TAX1BP1: variants seen among roughly 807,000 people sequenced by gnomAD.
TAX1BP1 encodes tax1-binding protein 1.
Under a neutral mutation model 97.7 loss-of-function variants are expected in TAX1BP1, and 62 were observed. That is an observed-to-expected ratio of 0.63 (90% CI 0.52 to 0.78). The LOEUF is 0.78. Ranked by LOEUF, TAX1BP1 falls within the 30% of genes least tolerant of loss-of-function variation. The probability of loss-of-function intolerance (pLI) is 0.00; values close to 1 mark genes in which losing one functional copy is unlikely to be tolerated. For missense variants in TAX1BP1, 867 were observed against 916.1 expected (o/e 0.95, Z 0.69); for synonymous variants, 340 against 304.2 (o/e 1.12, Z -1.23).
chr7:27,802,861 C>CA (rs757714872), intron 13 of TAX1BP1, among the ~76,000 whole-genome samples: 1 of 151,270 alleles, frequency 6.6e-6, no homozygotes, highest in African/African-American at 2.4e-5. Flanking sequence ...AAAAAAAACA[C>CA]AAAAAAAGGG....
At chr7:27,827,668 C>A in intron 15 of TAX1BP1, 70 bp from the exon 16 acceptor site, 1 of 1,298,296 alleles carries the variant, frequency 7.7e-7, no homozygotes, top group South Asian at 1.2e-5. Flanking sequence ...TCAGTATGTG[C>A]TTGATTGAAT....
chr7:27,794,004 A>G (rs1789819701), intron 10 of TAX1BP1, among the ~76,000 whole-genome samples: 2 of 152,308 alleles, frequency 1.3e-5, no homozygotes, highest in Admixed American at 1.3e-4. Context: ...ACTCACTCAC[A>G]TGTATGAATT....
chr7:27,785,436 G>T lies in TAX1BP1; in HGVS notation c.799G>T (p.Glu267Ter). The change falls in exon 7 of 17, where the codon GAA becomes TAA. Residue 267 changes from glutamate to a stop codon, truncating the protein, a stop_gained. Transcript: ENST00000396319. LOFTEE classifies it high-confidence loss of function. ...ACTCAAGAAGGCACAACATGAAAGA[G>T]AACAACTTGAATGTCAGTTGAAGAC... The part of the protein sequence containing the change: ...DKLKKAQHER[E>*]QLECQLKTEK... 6.2e-7 allele frequency: 1 copy of T among 1,613,642 alleles called. No homozygotes were observed. Among genetic ancestry groups the T allele is most frequent in the Non-Finnish European group, 8.5e-7 (1 of 1,179,882 alleles).
intron 15 of TAX1BP1, among the ~76,000 whole-genome samples, chr7:27,818,387 T>C (rs1265125537): frequency 6.6e-6 from 1 of 152,154 alleles, no homozygotes; most frequent in Non-Finnish European, 1.5e-5. Context: ...TTAAAAAAAA[T>C]TCTTGTTGTT....
At chr7:27,817,190 C>A in intron 15 of TAX1BP1, 152 bp downstream of exon 15, 1 of 947,078 alleles carries the variant, frequency 1.1e-6, no homozygotes, top group Non-Finnish European at 1.5e-6. Flanking sequence ...CAATTGCCTA[C>A]TTGATTTTTT....
At chr7:27,800,446 G>A (rs534904467) in intron 13 of TAX1BP1, among the ~76,000 whole-genome samples, 6 of 152,198 alleles carry the variant, frequency 3.9e-5, no homozygotes, top group Non-Finnish European at 5.9e-5. Flanking sequence ...GCTGGGCATG[G>A]TGACCCACTC....
chr7:27,800,594 T>G (rs1415892240), intron 13 of TAX1BP1, among the ~76,000 whole-genome samples: 2 of 152,018 alleles, frequency 1.3e-5, no homozygotes, highest in African/African-American at 4.8e-5. Context: ...ATAAAAATAA[T>G]TATTTTAGGG....
intron 13 of TAX1BP1, among the ~76,000 whole-genome samples, chr7:27,806,093 T>G (rs1314488313): frequency 5.3e-5 from 8 of 151,956 alleles, no homozygotes; most frequent in East Asian, 1.9e-4. Flanking sequence ...TTTCAGTTTT[T>G]TTTTTTTTTT....
intron 12 of TAX1BP1, among the ~76,000 whole-genome samples, chr7:27,797,935 A>G (rs1200847258): frequency 6.6e-6 from 1 of 152,050 alleles, no homozygotes; most frequent in Non-Finnish European, 1.5e-5. Context: ...CAGTTTTGAC[A>G]TACACAGTTG....
chr7:27,823,651 T>C (rs1583412221), intron 15 of TAX1BP1, among the ~76,000 whole-genome samples: 1 of 152,254 alleles, frequency 6.6e-6, no homozygotes, highest in East Asian at 1.9e-4. Flanking sequence ...AAATATAAAA[T>C]TTGCCATCTT....
chr7:27,756,427 C>A (rs1269501094), intron 2 of TAX1BP1, among the ~76,000 whole-genome samples: 1 of 152,070 alleles, frequency 6.6e-6, no homozygotes, highest in Non-Finnish European at 1.5e-5. Context: ...TTGTATCTTG[C>A]CCCCAACTTC....
chr7:27,803,436 A>G (rs1211526770), intron 13 of TAX1BP1, among the ~76,000 whole-genome samples: 2 of 152,250 alleles, frequency 1.3e-5, no homozygotes, highest in Non-Finnish European at 2.9e-5. Context: ...AAAAGATACT[A>G]TAGTGCAGCA....
At position 27,793,180 on chromosome 7, in the gene TAX1BP1, CA is replaced by C; in HGVS notation, c.1383del (p.Lys461AsnfsTer3). ...AAAATTTAAGGAATGCCAAAGGCTC[CA>C]AAAACAAATAAACAAACTTTCAGAT... The part of the protein sequence containing the change: ...KEKFKECQRL[Q>X]KQINKLSDQS... On this transcript the variant is annotated frameshift_variant, in exon 10 of 17. Coordinates refer to ENST00000396319, the MANE Select transcript of TAX1BP1 (RefSeq NM_006024.7). LOFTEE classifies it high-confidence loss of function. 1 of 1,588,006 alleles carries C rather than the reference CA, an allele frequency of 6.3e-7. No individual in the cohort carries two copies. Among genetic ancestry groups the C allele is most frequent in the Admixed American group, 2.0e-5 (1 of 50,598 alleles).
chr7:27,746,067 T>A (rs1787804157), intron 1 of TAX1BP1, among the ~76,000 whole-genome samples: 1 of 152,132 alleles, frequency 6.6e-6, no homozygotes, highest in African/African-American at 2.4e-5. Flanking sequence ...TGAAACACTT[T>A]TGCCTTGTTT....
chr7:27,778,866 A>C (rs1188421847), intron 5 of TAX1BP1, among the ~76,000 whole-genome samples: 1 of 152,006 alleles, frequency 6.6e-6, no homozygotes, highest in Non-Finnish European at 1.5e-5. Context: ...GTTTAAAAAA[A>C]AAAAAAAAGT....
intron 8 of TAX1BP1, among the ~76,000 whole-genome samples, chr7:27,788,823 G>GT (rs928187224): frequency 7.2e-5 from 11 of 151,856 alleles, no homozygotes; most frequent in African/African-American, 1.2e-4. Context: ...AAGAAACTCT[G>GT]TTTTTTTTAG....
At chr7:27,813,077 G>A (rs900338348) in intron 13 of TAX1BP1, among the ~76,000 whole-genome samples, 26 of 149,692 alleles carry the variant, frequency 1.7e-4, no homozygotes, top group South Asian at 1.3e-3. Context: ...ATACTATACC[G>A]TCTTGTTTAC....
In TAX1BP1 at chr7:27,808,544, C is replaced by T. The variant is rs548240957; in HGVS notation, c.1765-7805C>T. Among the ~76,000 whole-genome samples the T allele has an allele frequency of 8.5e-5, 13 of 152,144 alleles. No homozygotes were observed. In the South Asian group the frequency reaches 1.2e-3, roughly 15 times the overall value. On this transcript the variant is annotated intron_variant, in intron 13 of 16. Coordinates refer to ENST00000396319, the MANE Select transcript of TAX1BP1 (RefSeq NM_006024.7). ...TTTAGTTGTCCTATGGTGTACTCTC[C>T]GCGCTCCTTTACTCTCAGAACATTC...
intron 5 of TAX1BP1, chr7:27,772,440 TC>T (rs1195097479): frequency 2.0e-5 from 3 of 152,088 alleles, no homozygotes; most frequent in African/African-American, 7.2e-5. Flanking sequence ...TAATGGATTC[TC>T]CATGTAATAA....
Sources: gnomAD v4.1 joint callset for allele counts (sites outside exome capture counted in the v4.1 genomes callset) on GRCh38, gnomAD v4.1.1 for gene constraint, MANE v1.5 for transcripts, NCBI Gene and HGNC (gene_info 2026-07-23, HGNC 2026-07-21) for gene names.